The following KCNAB1 variants were observed in gnomAD, a reference collection of about 807,000 sequenced individuals.
KCNAB1 encodes potassium voltage-gated channel subfamily A regulatory beta subunit 1.
Under a neutral mutation model 64.6 loss-of-function variants are expected in KCNAB1, and 35 were observed. The ratio of observed to expected loss-of-function variants is 0.54; its 90% CI spans 0.41 to 0.72. The LOEUF (loss-of-function observed/expected upper bound fraction) is 0.72, where lower values mean the gene tolerates loss of function less well. KCNAB1 is among the 30% of genes least tolerant of loss of function. The pLI is 0.00. For missense variants in KCNAB1, 401 were observed against 512.9 expected, an observed-to-expected ratio of 0.78 and a Z score of 2.11; for synonymous variants, 177 against 183.8, an observed-to-expected ratio of 0.96 and a Z score of 0.30.
At chr3:156,237,288 ATAAAATTGCCATTT>A (rs1442730759) in intron 1 of KCNAB1, among the ~76,000 whole-genome samples, 1 of 152,244 alleles carries the variant, frequency 6.6e-6, no homozygotes, top group Non-Finnish European at 1.5e-5. Context: ...TACTAAATGG[ATAAAATTGCCATTT>A]TTTTCTTTGA....
intron 1 of KCNAB1, among the ~76,000 whole-genome samples, chr3:156,204,471 G>T (rs190630489): frequency 9.2e-5 from 14 of 152,318 alleles, no homozygotes; most frequent in Admixed American, 1.3e-4. Flanking sequence ...CCAGCATATA[G>T]AAGAGACACT....
rs547870373 is a variant in KCNAB1, at chr3:156,443,360, A to ACC, written c.320-9538_320-9537dup. Among the ~76,000 whole-genome samples, 508 of 152,172 alleles carry ACC rather than the reference A, an allele frequency of 3.3e-3. 6 individuals are homozygous for ACC. The highest frequency in any genetic ancestry group is 3.9e-3 in the Non-Finnish European group (262 of 68,028). ...ATGTTGTTACAAGCATTTAGAGCAA[A>ACC]CCTGGGCCATACCATTTGGCTGGAA... On this transcript the variant is annotated intron_variant, in intron 2 of 13. Coordinates refer to ENST00000490337, the MANE Select transcript of KCNAB1 (RefSeq NM_172160.3).
At chr3:156,491,303 G>A (rs1185980391) in intron 8 of KCNAB1, among the ~76,000 whole-genome samples, 2 of 152,114 alleles carry the variant, frequency 1.3e-5, no homozygotes, top group Non-Finnish European at 2.9e-5. Flanking sequence ...AGCAGAGACT[G>A]CAGCAGGACG....
intron 8 of KCNAB1, among the ~76,000 whole-genome samples, chr3:156,477,902 C>T (rs1714489331): frequency 6.6e-6 from 1 of 152,042 alleles, no homozygotes; most frequent in Non-Finnish European, 1.5e-5. Context: ...TGAGAGTCAC[C>T]TTTGCAACAA....
chr3:156,492,567 A>T (rs544500462), intron 8 of KCNAB1, among the ~76,000 whole-genome samples: 1 of 152,088 alleles, frequency 6.6e-6, no homozygotes, highest in Admixed American at 6.6e-5. Context: ...AGAAATTCAG[A>T]TACTCCTACC....
At chr3:156,416,814 G>A (rs940740147) in intron 1 of KCNAB1, among the ~76,000 whole-genome samples, 9 of 152,040 alleles carry the variant, frequency 5.9e-5, no homozygotes, top group Admixed American at 1.3e-4. Flanking sequence ...AGAAAGATAC[G>A]GATCATCGGG....
intron 1 of KCNAB1, among the ~76,000 whole-genome samples, chr3:156,175,550 C>T (rs897540273): frequency 9.9e-5 from 15 of 152,130 alleles, no homozygotes; most frequent in Non-Finnish European, 1.3e-4. Flanking sequence ...ACCCGGGAGG[C>T]GGAGCTTGCA....
chr3:156,513,966 TTC>T (rs1446386034), intron 8 of KCNAB1, among the ~76,000 whole-genome samples: 1 of 152,204 alleles, frequency 6.6e-6, no homozygotes, highest in African/African-American at 2.4e-5. Flanking sequence ...TGACCTTACA[TTC>T]TACAAAGTTG....
At chr3:156,218,431 G>T (rs1052013082) in intron 1 of KCNAB1, among the ~76,000 whole-genome samples, 32 of 152,152 alleles carry the variant, frequency 2.1e-4, no homozygotes, top group African/African-American at 7.0e-4. Context: ...GAAGACAAAG[G>T]TTATAATCTC....
chr3:156,395,510 A>C (rs886901141), intron 1 of KCNAB1, among the ~76,000 whole-genome samples: 19 of 125,788 alleles, frequency 1.5e-4, no homozygotes, highest in African/African-American at 2.4e-4. Flanking sequence ...CCGCCACTGC[A>C]CTCCAGCCTG....
At position 156,362,074 on chromosome 3, in the gene KCNAB1, A is replaced by T. The variant is rs181279963; in HGVS notation, c.276-59542A>T. On this transcript the variant is annotated intron_variant, in intron 1 of 13. Coordinates refer to ENST00000490337, the MANE Select transcript of KCNAB1 (RefSeq NM_172160.3). ...AAAACTAGACAAGAATACTGTTCTC[A>T]TAGAGCTTATATCTGTATCTATAGC... 1.9e-3 allele frequency among the ~76,000 whole-genome samples: 297 copies of T among 152,366 alleles called. 1 individual carries two copies. In the Middle Eastern group the frequency reaches 0.037, roughly 19 times the overall value.
At chr3:156,205,952 G>A (rs1225565167) in intron 1 of KCNAB1, among the ~76,000 whole-genome samples, 2 of 152,118 alleles carry the variant, frequency 1.3e-5, no homozygotes, top group East Asian at 3.9e-4. Context: ...GCTCTTTTAT[G>A]CCTCTGTGCA....
chr3:156,344,909 C>T (rs1351519111), intron 1 of KCNAB1, among the ~76,000 whole-genome samples: 1 of 152,192 alleles, frequency 6.6e-6, no homozygotes, highest in Non-Finnish European at 1.5e-5. Flanking sequence ...GGTATCGCCT[C>T]TTCCTCCCAG....
At chr3:156,476,779 G>A (rs1650303126) in intron 8 of KCNAB1, among the ~76,000 whole-genome samples, 1 of 152,100 alleles carries the variant, frequency 6.6e-6, no homozygotes, top group Admixed American at 6.6e-5. Context: ...AAATGTTCCA[G>A]TCAATTCTTA....
At chr3:156,158,190 A>G (rs1038288767) in intron 1 of KCNAB1, among the ~76,000 whole-genome samples, 1 of 126,646 alleles carries the variant, frequency 7.9e-6, no homozygotes. Flanking sequence ...AAATAAATAA[A>G]TAAATAAATA....
At chr3:156,457,295 G>T (rs954856557) in intron 3 of KCNAB1, 158 bp from the exon 4 acceptor site, 6 of 1,440,718 alleles carry the variant, frequency 4.2e-6, no homozygotes, top group Non-Finnish European at 4.6e-6. Flanking sequence ...TATGGATACT[G>T]GCTGAGACTT....
At chr3:156,513,042 C>T (rs1193917208) in intron 8 of KCNAB1, among the ~76,000 whole-genome samples, 1 of 152,182 alleles carries the variant, frequency 6.6e-6, no homozygotes, top group Non-Finnish European at 1.5e-5. Flanking sequence ...GAAACCCTGT[C>T]TCTACCAAAA....
At chr3:156,264,514 T>A (rs1576657782) in intron 1 of KCNAB1, among the ~76,000 whole-genome samples, 1 of 152,138 alleles carries the variant, frequency 6.6e-6, no homozygotes, top group Non-Finnish European at 1.5e-5. Context: ...TTGTTCATTT[T>A]TAAAAATATT....
chr3:156,460,272 G>A (rs747568371), intron 5 of KCNAB1: 1 of 167,012 alleles, frequency 6.0e-6, no homozygotes, highest in Non-Finnish European at 1.3e-5. Flanking sequence ...GGATGCAAAG[G>A]AATGATGAAA....
Sources: allele counts gnomAD v4.1 joint callset (sites outside exome capture counted in the v4.1 genomes callset), GRCh38; gene constraint gnomAD v4.1.1; transcripts MANE v1.5; gene names NCBI Gene and HGNC (gene_info 2026-07-23, HGNC 2026-07-21).